The following LRRC8D variants were observed in gnomAD, a reference collection of about 807,000 sequenced individuals.
The protein encoded by LRRC8D is leucine rich repeat containing 8 VRAC subunit D, also known as volume-regulated anion channel subunit LRRC8D.
LRRC8D carries 20 observed loss-of-function variants against 55.8 expected under a neutral mutation model. That is an observed-to-expected ratio of 0.36 (90% CI 0.25 to 0.52). The LOEUF is 0.52. LRRC8D is among the 20% of genes least tolerant of loss of function. LRRC8D has a pLI of 0.93. For missense variants in LRRC8D, 651 were observed against 1,030.8 expected (o/e 0.63, Z 5.05); for synonymous variants, 352 against 377.0 (o/e 0.93, Z 0.77).
intron 2 of LRRC8D, among the ~76,000 whole-genome samples, chr1:89,875,389 C>T (rs1418634828): frequency 3.3e-5 from 5 of 152,258 alleles, no homozygotes; most frequent in Middle Eastern, 3.4e-3. Context: ...TTGCTGAATG[C>T]CAAGCAGTGT....
intron 2 of LRRC8D, among the ~76,000 whole-genome samples, chr1:89,932,724 G>A (rs1306895457): frequency 6.6e-6 from 1 of 152,086 alleles, no homozygotes; most frequent in Non-Finnish European, 1.5e-5. Flanking sequence ...CCCACTCCTT[G>A]ACCTCCAAAT....
intron 2 of LRRC8D, among the ~76,000 whole-genome samples, chr1:89,898,514 C>A (rs933120063): frequency 1.3e-5 from 2 of 152,132 alleles, no homozygotes; most frequent in Non-Finnish European, 2.9e-5. Context: ...TAAATGGATT[C>A]ACACCCAGAT....
intron 2 of LRRC8D, among the ~76,000 whole-genome samples, chr1:89,931,786 A>T (rs1027115464): frequency 3.3e-5 from 5 of 152,100 alleles, no homozygotes; most frequent in African/African-American, 1.2e-4. Context: ...TAAAAATATT[A>T]AAAATTCATC....
chr1:89,907,695 T>A (rs1663031372), intron 2 of LRRC8D, among the ~76,000 whole-genome samples: 1 of 152,212 alleles, frequency 6.6e-6, no homozygotes, highest in Non-Finnish European at 1.5e-5. Context: ...TCCCCCAAAA[T>A]TAGTCATTTC....
Position 89,934,488 on chromosome 1 carries a change from T to C in LRRC8D, c.1420T>C (p.Leu474=), listed in dbSNP as rs1429085067. 3.1e-6 allele frequency: 5 copies of C among 1,613,784 alleles called. No homozygotes were observed. In the South Asian group the frequency reaches 4.4e-5, roughly 14 times the overall value. The part of the protein sequence containing the change: ...ISRNAQDKQE[L]HLFMLSGVPD... ...ACGCAACGCCCAGGACAAGCAGGAG[T>C]TGCATCTGTTCATGCTGTCGGGGGT... Residue 474 remains leucine (L), a synonymous_variant, in exon 3 of 3, where the codon TTG becomes CTG. Transcript: ENST00000337338. This position sits in a 1 kb window ranked among gnomAD's most constrained non-coding sequence, Gnocchi z 5.9.
intron 2 of LRRC8D, among the ~76,000 whole-genome samples, chr1:89,865,508 A>T (rs1211579620): frequency 6.6e-6 from 1 of 152,018 alleles, no homozygotes; most frequent in East Asian, 1.9e-4. Context: ...TTAAAATATG[A>T]AGTTGTTCCA....
At chr1:89,892,825 T>A (rs1662614439) in intron 2 of LRRC8D, among the ~76,000 whole-genome samples, 2 of 152,230 alleles carry the variant, frequency 1.3e-5, no homozygotes, top group South Asian at 4.1e-4. Flanking sequence ...TGGCCGTAGA[T>A]TGATATTTCT....
At chr1:89,871,086 G>A (rs930641990) in intron 2 of LRRC8D, among the ~76,000 whole-genome samples, 7 of 152,152 alleles carry the variant, frequency 4.6e-5, no homozygotes, top group Non-Finnish European at 8.8e-5. Context: ...CATGTCTCAG[G>A]TTGCAAAGTT....
intron 1 of LRRC8D, among the ~76,000 whole-genome samples, chr1:89,842,166 T>C (rs1661150859): frequency 7.1e-6 from 1 of 140,926 alleles, no homozygotes; most frequent in African/African-American, 2.7e-5. Flanking sequence ...TGAGCCGAGA[T>C]CACGCCACTG....
chr1:89,862,601 A>C (rs1362807755), intron 2 of LRRC8D, among the ~76,000 whole-genome samples: 1 of 152,210 alleles, frequency 6.6e-6, no homozygotes, highest in Non-Finnish European at 1.5e-5. Flanking sequence ...TCTGTGAGTT[A>C]ACTCTAGGAG....
chr1:89,885,893 T>C (rs1662406335), intron 2 of LRRC8D, among the ~76,000 whole-genome samples: 1 of 152,204 alleles, frequency 6.6e-6, no homozygotes. Context: ...TTCCTTTACA[T>C]CAGTTTTCAT....
At chr1:89,848,401 A>G (rs1367456023) in intron 2 of LRRC8D, among the ~76,000 whole-genome samples, 1 of 152,112 alleles carries the variant, frequency 6.6e-6, no homozygotes, top group African/African-American at 2.4e-5. Flanking sequence ...GGAAAGGGAG[A>G]TAGGATTTAT....
At chr1:89,862,009 A>G (rs368692191) in intron 2 of LRRC8D, among the ~76,000 whole-genome samples, 1 of 152,210 alleles carries the variant, frequency 6.6e-6, no homozygotes. Flanking sequence ...ATTGATTACA[A>G]AGTGTATGAA....
chr1:89,909,882 A>G (rs1278805643), intron 2 of LRRC8D, among the ~76,000 whole-genome samples: 1 of 151,760 alleles, frequency 6.6e-6, no homozygotes, highest in Admixed American at 6.6e-5. Flanking sequence ...AAAAAAAAAA[A>G]AGAATTCAGT....
chr1:89,926,318 A>G (rs1663563693), intron 2 of LRRC8D, among the ~76,000 whole-genome samples: 1 of 152,258 alleles, frequency 6.6e-6, no homozygotes, highest in South Asian at 2.1e-4. Flanking sequence ...ACACCAACCT[A>G]ATATGTTGTA....
At chr1:89,930,199 A>G (rs572041003) in intron 2 of LRRC8D, among the ~76,000 whole-genome samples, 13 of 152,188 alleles carry the variant, frequency 8.5e-5, no homozygotes, top group East Asian at 3.9e-4. Context: ...TCAGGTTTCT[A>G]TGTACTTCAT....
intron 2 of LRRC8D, among the ~76,000 whole-genome samples, chr1:89,869,150 G>C (rs1342205886): frequency 6.6e-6 from 1 of 152,014 alleles, no homozygotes; most frequent in Admixed American, 6.6e-5. Flanking sequence ...CAGGTGATCC[G>C]CCTACCTCGA....
chr1:89,928,618 T>C (rs1362171156), intron 2 of LRRC8D, among the ~76,000 whole-genome samples: 1 of 152,150 alleles, frequency 6.6e-6, no homozygotes, highest in Non-Finnish European at 1.5e-5. Flanking sequence ...GCGGGGAGTC[T>C]GGGGCCGGAG....
intron 2 of LRRC8D, among the ~76,000 whole-genome samples, chr1:89,859,119 A>G (rs966455310): frequency 4.6e-5 from 7 of 152,210 alleles, no homozygotes; most frequent in East Asian, 1.9e-4. Context: ...GGGGTCAGAA[A>G]TCAAATTTCT....
Sources: allele counts gnomAD v4.1 joint callset (sites outside exome capture counted in the v4.1 genomes callset), GRCh38; gene constraint gnomAD v4.1.1; non-coding constraint Gnocchi (gnomAD v3.1); transcripts MANE v1.5; gene names NCBI Gene and HGNC (gene_info 2026-07-23, HGNC 2026-07-21).